Variants in ICA1L observed in about 807,000 individuals in gnomAD.
The protein encoded by ICA1L is islet cell autoantigen 1 like, also known as islet cell autoantigen 1-like protein.
In ICA1L, 50 loss-of-function variants were observed where a neutral mutation model predicts 61.3. The ratio of observed to expected loss-of-function variants is 0.82; its 90% confidence interval spans 0.65 to 1.03. The LOEUF is 1.03. ICA1L is among the 50% of genes least tolerant of loss of function. The pLI, the probability that ICA1L is intolerant of heterozygous loss-of-function variation, is 0.00. For missense variants in ICA1L, 508 were observed against 556.7 expected (o/e 0.91, Z 0.88); for synonymous variants, 161 against 191.3 (o/e 0.84, Z 1.31).
In ICA1L at chr2:202,855,117, C is replaced by T. The variant is rs190411188; in HGVS notation, c.-8+16502G>A. ...GAAACCAATGAGAACAAAGACACAA[C>T]GTACCAGAATCTCTGGGACACAGCT... On this transcript the variant is annotated intron_variant, in intron 1 of 12. Transcript: ENST00000358299. Among the ~76,000 whole-genome samples the T allele has an allele frequency of 2.2e-4, 34 of 152,244 alleles. No individual in the cohort carries two copies. In the East Asian group the frequency reaches 2.5e-3, roughly 11 times the overall value.
chr2:202,842,773 C>T (rs1694366761), intron 1 of ICA1L, among the ~76,000 whole-genome samples: 1 of 152,268 alleles, frequency 6.6e-6, no homozygotes, highest in African/African-American at 2.4e-5. Context: ...TGCTTAAACT[C>T]CTATAACTAG....
At chr2:202,832,794 A>G (rs1015027755) in intron 1 of ICA1L, among the ~76,000 whole-genome samples, 3 of 152,054 alleles carry the variant, frequency 2.0e-5, no homozygotes, top group Admixed American at 1.3e-4. Context: ...TAAAAAAATA[A>G]TAATAACTGG....
At position 202,819,759 on chromosome 2, in the gene ICA1L, T is replaced by C; in HGVS notation, c.500A>G (p.Lys167Arg). Residue 167 changes from lysine (K) to arginine (R), a missense_variant, in exon 5 of 13, where the codon AAA (lysine) becomes AGA (arginine). Coordinates refer to ENST00000358299, the MANE Select transcript of ICA1L (RefSeq NM_001288622.3). ...TEYRGALLWM[K>R]DVSQELDPDT... ...TGGGTCCAGCTCTTGGGATACATCT[T>C]TCATCCACAGTAGAGCTCCTCTGTA... is the stretch of plus-strand genomic sequence containing the variant. 1 of 1,614,152 alleles carries C rather than the reference T, an allele frequency of 6.2e-7. No homozygotes were observed. Among genetic ancestry groups the C allele is most frequent in the African/African-American group, 1.3e-5 (1 of 75,036 alleles).
chr2:202,817,788 A>T (rs996928503), intron 5 of ICA1L, among the ~76,000 whole-genome samples: 2 of 152,228 alleles, frequency 1.3e-5, no homozygotes, highest in Non-Finnish European at 2.9e-5. Context: ...GAGATAATAG[A>T]TGGAAAGCAA....
At chr2:202,813,246 G>GT in intron 8 of ICA1L, among the ~76,000 whole-genome samples, 1 of 143,270 alleles carries the variant, frequency 7.0e-6, no homozygotes, top group East Asian at 2.0e-4. Flanking sequence ...GAGAAAAAGA[G>GT]TGAGACTCTG....
At chr2:202,801,559 C>G (rs1402194159) in intron 9 of ICA1L, among the ~76,000 whole-genome samples, 3 of 152,106 alleles carry the variant, frequency 2.0e-5, no homozygotes, top group Non-Finnish European at 2.9e-5. Context: ...AAAATTTGTC[C>G]CATCCTTGCT....
intron 1 of ICA1L, among the ~76,000 whole-genome samples, chr2:202,862,186 C>T (rs544918785): frequency 1.4e-5 from 2 of 145,736 alleles, no homozygotes; most frequent in South Asian, 4.3e-4. Context: ...CATTTGTAAT[C>T]CCAGTGATTC....
rs376845155 is a variant in ICA1L, at chr2:202,809,463, G to A, written c.910+2283C>T. Among the ~76,000 whole-genome samples, 39 of 152,078 alleles carry A rather than the reference G, an allele frequency of 2.6e-4. No homozygotes were observed. The South Asian group carries it at 7.7e-3, about 30-fold the overall frequency. ...CAGGAGTTCAAGACTAGCCTGGGCA[G>A]CATGGAGAAACCCTGTCTCTACTAA... On this transcript the variant is annotated intron_variant, in intron 9 of 12. Transcript: ENST00000358299.
In ICA1L at chr2:202,828,906, C is replaced by T. The variant is rs1258129296; in HGVS notation, c.104G>A (p.Gly35Glu). The change falls in exon 2 of 13, where the codon GGA becomes GAA. Residue 35 changes from glycine to glutamate, a missense_variant. By Grantham distance (98) the Gly-to-Glu change is moderately conservative. Transcript: ENST00000358299. ...KTKQVFIKATGKKEDEHLVAS... is the reference protein window; with the variant it reads ...KTKQVFIKATEKKEDEHLVAS... ...CACCAAGTGCTCATCCTCTTTTTTT[C>T]CTGTTGCTTTGATAAAGACCTGTTT... The T allele has an allele frequency of 1.2e-6, 2 of 1,613,402 alleles. No homozygotes were observed. The highest frequency in any genetic ancestry group is 1.7e-6 in the Non-Finnish European group (2 of 1,179,762).
chr2:202,858,803 T>C (rs1351489384), intron 1 of ICA1L, among the ~76,000 whole-genome samples: 1 of 152,198 alleles, frequency 6.6e-6, no homozygotes, highest in East Asian at 1.9e-4. Flanking sequence ...AGGAACATGC[T>C]ATACAGGTTT....
chr2:202,862,251 C>T (rs1694938924), intron 1 of ICA1L, among the ~76,000 whole-genome samples: 2 of 102,480 alleles, frequency 2.0e-5, no homozygotes, highest in African/African-American at 7.9e-5. Flanking sequence ...GTCTGAGCAA[C>T]ACAGTAAGAC....
chr2:202,819,289 CTT>C (rs1339282129), intron 5 of ICA1L, among the ~76,000 whole-genome samples: 1 of 152,172 alleles, frequency 6.6e-6, no homozygotes, highest in Non-Finnish European at 1.5e-5. Context: ...TGTGGCCAAA[CTT>C]TGTATTGTGA....
chr2:202,812,587 A>G (rs957961226), intron 8 of ICA1L, among the ~76,000 whole-genome samples: 1 of 152,164 alleles, frequency 6.6e-6, no homozygotes, highest in Non-Finnish European at 1.5e-5. Flanking sequence ...AAACAAAAAA[A>G]AAAAGAAATT....
intron 10 of ICA1L, among the ~76,000 whole-genome samples, chr2:202,790,817 C>T (rs1286364278): frequency 6.6e-6 from 1 of 152,194 alleles, no homozygotes; most frequent in Non-Finnish European, 1.5e-5. Flanking sequence ...TCACTCTCCT[C>T]AGCTCCTAGA....
At chr2:202,864,304 C>T (rs551380424) in intron 1 of ICA1L, among the ~76,000 whole-genome samples, 7 of 151,672 alleles carry the variant, frequency 4.6e-5, no homozygotes, top group South Asian at 2.1e-4. Context: ...AGTGCAGTGG[C>T]GCAATCTCGG....
At chr2:202,857,748 G>T (rs570757477) in intron 1 of ICA1L, among the ~76,000 whole-genome samples, 42 of 152,118 alleles carry the variant, frequency 2.8e-4, no homozygotes, top group African/African-American at 8.9e-4. Flanking sequence ...CTAATATCCA[G>T]AATCTACAAG....
chr2:202,814,430 C>T (rs1480032736), intron 8 of ICA1L, among the ~76,000 whole-genome samples: 3 of 152,210 alleles, frequency 2.0e-5, no homozygotes, highest in African/African-American at 7.2e-5. Context: ...TATGAAGCAG[C>T]ACTAAAGCCC....
chr2:202,794,578 G>A (rs1692862867), intron 10 of ICA1L, among the ~76,000 whole-genome samples: 1 of 151,752 alleles, frequency 6.6e-6, no homozygotes, highest in Non-Finnish European at 1.5e-5. Context: ...GAGTTGGTAA[G>A]AAGAAAAAAA....
At chr2:202,840,440 C>T (rs1050296242) in intron 1 of ICA1L, 1 of 493,958 alleles carries the variant, frequency 2.0e-6, no homozygotes, top group Non-Finnish European at 4.0e-6. Flanking sequence ...GGAGATGGAG[C>T]CCATGCCAGA....
Sources: allele counts gnomAD v4.1 joint callset (sites outside exome capture counted in the v4.1 genomes callset), GRCh38; gene constraint gnomAD v4.1.1; transcripts MANE v1.5; gene names NCBI Gene and HGNC (gene_info 2026-07-23, HGNC 2026-07-21).